Variants in OPCML observed in about 807,000 individuals in gnomAD.
OPCML encodes opioid binding protein/cell adhesion molecule like.
OPCML carries 13 observed loss-of-function variants against 37.8 expected under a neutral mutation model. The observed-to-expected ratio is 0.34, with a 90% CI of 0.22 to 0.55. The LOEUF (loss-of-function observed/expected upper bound fraction) is 0.55. Ranked by LOEUF, OPCML falls within the 20% of genes least tolerant of loss-of-function variation. The probability of loss-of-function intolerance (pLI) is 0.91; values close to 1 mark genes in which losing one functional copy is unlikely to be tolerated. For synonymous variants in OPCML, 176 were observed against 168.8 expected, an observed-to-expected ratio of 1.04 and a Z score of -0.33; for missense variants, 341 against 435.6, an observed-to-expected ratio of 0.78 and a Z score of 1.93.
intron 1 of OPCML, among the ~76,000 whole-genome samples, chr11:133,165,873 ACCTAG>A (rs1343508695): frequency 6.6e-6 from 1 of 152,164 alleles, no homozygotes; most frequent in East Asian, 1.9e-4. Flanking sequence ...GAAGAATCTG[ACCTAG>A]GACACCACAA....
chr11:133,346,267 G>T (rs1204443824), intron 1 of OPCML, among the ~76,000 whole-genome samples: 2 of 152,174 alleles, frequency 1.3e-5, no homozygotes, highest in East Asian at 3.9e-4. Context: ...GTCTGGCTCA[G>T]ATTCATTCCT....
chr11:132,844,492 T>C (rs892696565), intron 2 of OPCML, among the ~76,000 whole-genome samples: 2 of 152,104 alleles, frequency 1.3e-5, no homozygotes, highest in Middle Eastern at 6.3e-3. Context: ...GACATGATCA[T>C]AATTAAGTTT....
Position 133,197,020 on chromosome 11 carries a change from C to T in OPCML, c.62-254010G>A, listed in dbSNP as rs192614056. 1.7e-3 allele frequency among the ~76,000 whole-genome samples: 252 copies of T among 152,320 alleles called. 1 individual carries two copies. The highest frequency in any genetic ancestry group is 5.9e-3 in the African/African-American group (247 of 41,570). On this transcript the variant is annotated intron_variant, in intron 1 of 7. Transcript: ENST00000524381. Reference sequence around the variant, plus strand: ...GCCAATCCAACTGGGAGTGAATTGCCTGGAGTGTGTTGTTTTACTTCAAAT... The same window carrying T: ...GCCAATCCAACTGGGAGTGAATTGCTTGGAGTGTGTTGTTTTACTTCAAAT...
At chr11:132,625,020 C>T (rs1939653807) in intron 3 of OPCML, among the ~76,000 whole-genome samples, 1 of 152,132 alleles carries the variant, frequency 6.6e-6, no homozygotes. Flanking sequence ...CCAACTTCAA[C>T]ACTTCCCTCT....
chr11:133,309,932 A>G (rs2136589806), intron 1 of OPCML, among the ~76,000 whole-genome samples: 1 of 152,318 alleles, frequency 6.6e-6, no homozygotes, highest in Admixed American at 6.5e-5. Context: ...GCACATGCTG[A>G]CTTTGAGGTG....
At chr11:132,758,800 C>G (rs866914592) in intron 2 of OPCML, among the ~76,000 whole-genome samples, 1 of 152,118 alleles carries the variant, frequency 6.6e-6, no homozygotes. Flanking sequence ...ATTTCTTGCT[C>G]TTGCCTGATT....
chr11:132,756,661 T>C (rs1226956671), intron 2 of OPCML, among the ~76,000 whole-genome samples: 1 of 152,160 alleles, frequency 6.6e-6, no homozygotes, highest in Non-Finnish European at 1.5e-5. Context: ...AAACTATACC[T>C]CCGAAATGAG....
chr11:132,483,963 C>T (rs1354029638), intron 4 of OPCML, among the ~76,000 whole-genome samples: 1 of 151,924 alleles, frequency 6.6e-6, no homozygotes, highest in African/African-American at 2.4e-5. Flanking sequence ...CCATAAAAAC[C>T]CTAAAAGAAA....
At chr11:133,083,489 C>A (rs505525) in intron 1 of OPCML, among the ~76,000 whole-genome samples, 2 of 152,100 alleles carry the variant, frequency 1.3e-5, no homozygotes, top group Non-Finnish European at 2.9e-5. Context: ...GGCAGGGCCC[C>A]GGAAGGCTCG....
Position 133,244,349 on chromosome 11 carries a change from T to C in OPCML, c.61+287915A>G, listed in dbSNP as rs747243295. ...AGATAAACCCAAACACTAAGAGCAA[T>C]GCTCTTAGTGTTTGCCAAGCACCCC... On this transcript the variant is annotated intron_variant, in intron 1 of 7. Transcript: ENST00000524381. Among the ~76,000 whole-genome samples the C allele has an allele frequency of 1.7e-3, 262 of 152,028 alleles. 2 individuals are homozygous for C. Among genetic ancestry groups the C allele is most frequent in the Non-Finnish European group, 3.2e-3 (219 of 67,940 alleles).
intron 2 of OPCML, among the ~76,000 whole-genome samples, chr11:132,920,820 G>C (rs1944765773): frequency 6.6e-6 from 1 of 152,076 alleles, no homozygotes; most frequent in Admixed American, 6.5e-5. Context: ...TCGTCTTCTG[G>C]GCCCGTGCTG....
intron 1 of OPCML, among the ~76,000 whole-genome samples, chr11:133,098,179 T>TACCAAATATAC (rs1207124297): frequency 1.3e-5 from 2 of 151,368 alleles, no homozygotes; most frequent in Non-Finnish European, 2.9e-5. Context: ...TGCTACCAAG[T>TACCAAATATAC]GGGATTTATC....
chr11:133,250,398 A>C (rs1398798325), intron 1 of OPCML, among the ~76,000 whole-genome samples: 4 of 151,592 alleles, frequency 2.6e-5, no homozygotes, highest in Non-Finnish European at 4.4e-5. Context: ...GGAAGAAAGA[A>C]GGAAAGAAGA....
At chr11:133,007,659 A>G in intron 1 of OPCML, 1 of 985,424 alleles carries the variant, frequency 1.0e-6, no homozygotes, top group Non-Finnish European at 1.2e-6. Context: ...TCAGTCTTTT[A>G]TTGAAATAAT....
chr11:132,459,014 A>T (rs2096091803), intron 4 of OPCML, among the ~76,000 whole-genome samples: 1 of 152,242 alleles, frequency 6.6e-6, no homozygotes, highest in Non-Finnish European at 1.5e-5. Context: ...GACCATGTCA[A>T]TGAATGTTTT....
intron 2 of OPCML, among the ~76,000 whole-genome samples, chr11:132,789,859 A>G (rs559371394): frequency 4.6e-5 from 7 of 152,262 alleles, no homozygotes; most frequent in Non-Finnish European, 8.8e-5. Flanking sequence ...TCATCCAGAA[A>G]GGGGGAGGAA....
At chr11:132,879,081 T>C (rs2136422493) in intron 2 of OPCML, among the ~76,000 whole-genome samples, 1 of 152,292 alleles carries the variant, frequency 6.6e-6, no homozygotes, top group Middle Eastern at 3.4e-3. Context: ...TGGTAGAAAC[T>C]TTGTATAAAT....
intron 4 of OPCML, among the ~76,000 whole-genome samples, chr11:132,480,625 T>G (rs2096176319): frequency 6.6e-6 from 1 of 152,120 alleles, no homozygotes; most frequent in Admixed American, 6.5e-5. Flanking sequence ...GAGAGAAAGG[T>G]CGGGTTACCC....
intron 2 of OPCML, among the ~76,000 whole-genome samples, chr11:132,753,458 C>T (rs1945908794): frequency 6.6e-6 from 1 of 152,152 alleles, no homozygotes; most frequent in African/African-American, 2.4e-5. Flanking sequence ...CCATTGTATG[C>T]AAGTACTGTT....
Sources: allele counts gnomAD v4.1 joint callset (sites outside exome capture counted in the v4.1 genomes callset), GRCh38; gene constraint gnomAD v4.1.1; transcripts MANE v1.5; gene names NCBI Gene and HGNC (gene_info 2026-07-23, HGNC 2026-07-21).